The following CTNNA3 variants were observed in gnomAD, a reference collection of about 807,000 sequenced individuals.
CTNNA3 encodes catenin alpha-3.
A neutral mutation model predicts 95.7 loss-of-function variants in CTNNA3; 76 were observed. That is an observed-to-expected ratio of 0.79 (90% CI 0.66 to 0.96). The LOEUF (loss-of-function observed/expected upper bound fraction) is 0.96, where lower values mean the gene tolerates loss of function less well. Ranked by LOEUF, CTNNA3 falls within the 40% of genes least tolerant of loss-of-function variation. The pLI is 0.00. For synonymous variants in CTNNA3, 431 were observed against 374.4 expected (o/e 1.15, Z -1.74); for missense variants, 1,191 against 1,089.8 (o/e 1.09, Z -1.31).
At chr10:66,174,342 A>G (rs2085594954) in intron 13 of CTNNA3, among the ~76,000 whole-genome samples, 1 of 152,222 alleles carries the variant, frequency 6.6e-6, no homozygotes, top group East Asian at 1.9e-4. Context: ...AATTTTTAAT[A>G]TATTTCTTTA....
chr10:66,647,287 A>G (rs1845739016), intron 9 of CTNNA3, among the ~76,000 whole-genome samples: 2 of 152,156 alleles, frequency 1.3e-5, no homozygotes, highest in African/African-American at 4.8e-5. Flanking sequence ...TCTTGCTTTC[A>G]GGGTCCCATA....
chr10:66,049,999 A>T (rs903137120), intron 15 of CTNNA3, among the ~76,000 whole-genome samples: 1 of 152,170 alleles, frequency 6.6e-6, no homozygotes, highest in African/African-American at 2.4e-5. Context: ...AAAAAGAGAG[A>T]AATGTTTAAC....
chr10:67,131,794 G>A (rs916412330), intron 7 of CTNNA3, among the ~76,000 whole-genome samples: 17 of 152,076 alleles, frequency 1.1e-4, no homozygotes, highest in African/African-American at 4.1e-4. Context: ...CTGAAATTAT[G>A]TGTGGCTGGG....
At chr10:66,369,275 C>T (rs1291950601) in intron 12 of CTNNA3, among the ~76,000 whole-genome samples, 1 of 152,130 alleles carries the variant, frequency 6.6e-6, no homozygotes. Flanking sequence ...CAGTAGAAAT[C>T]ATGGCTTGGC....
chr10:67,358,835 G>A (rs1222619977), intron 5 of CTNNA3, among the ~76,000 whole-genome samples: 1 of 152,088 alleles, frequency 6.6e-6, no homozygotes, highest in Non-Finnish European at 1.5e-5. Context: ...TGCAGGCACT[G>A]CAACAGTGAT....
At chr10:66,334,129 A>G (rs952812042) in intron 12 of CTNNA3, among the ~76,000 whole-genome samples, 2 of 151,868 alleles carry the variant, frequency 1.3e-5, no homozygotes, top group East Asian at 1.9e-4. Flanking sequence ...GTGTCTCTGC[A>G]TGTGAGATGG....
intron 8 of CTNNA3, among the ~76,000 whole-genome samples, chr10:66,771,756 A>G (rs773433442): frequency 2.0e-5 from 3 of 152,210 alleles, no homozygotes; most frequent in Non-Finnish European, 4.4e-5. Context: ...CTTGGTAGAG[A>G]GCTTTGCAAA....
intron 10 of CTNNA3, among the ~76,000 whole-genome samples, chr10:66,605,907 C>T (rs114524141): frequency 2.4e-3 from 359 of 152,148 alleles, no homozygotes; most frequent in African/African-American, 7.9e-3. Flanking sequence ...CAAGTTTGCA[C>T]GCTAACCACC....
intron 10 of CTNNA3, among the ~76,000 whole-genome samples, chr10:66,590,983 G>C (rs1843529552): frequency 1.3e-5 from 2 of 152,108 alleles, no homozygotes; most frequent in Admixed American, 1.3e-4. Context: ...GGTTTACTGA[G>C]TGGGAGTGGT....
At chr10:66,393,761 A>G (rs970010900) in intron 11 of CTNNA3, among the ~76,000 whole-genome samples, 3 of 152,082 alleles carry the variant, frequency 2.0e-5, no homozygotes, top group African/African-American at 4.8e-5. Flanking sequence ...AATTCTCATA[A>G]TAATTCCAAG....
intron 15 of CTNNA3, among the ~76,000 whole-genome samples, chr10:65,990,163 T>C (rs796233252): frequency 3.3e-5 from 5 of 152,026 alleles, no homozygotes; most frequent in African/African-American, 1.2e-4. Flanking sequence ...ACATCTTTGC[T>C]ATTGTGAATA....
rs1157578718 is a variant in CTNNA3 at position 65,956,246 on chromosome 10, A to AT, written c.2400+10365dup. Among the ~76,000 whole-genome samples the AT allele has an allele frequency of 2.0e-5, 3 of 152,220 alleles. No individual in the cohort carries two copies. In the East Asian group the frequency reaches 5.8e-4, roughly 29 times the overall value. ...GATAAGTGGTGAGATCCCCTTTATC[A>AT]TTTTTTATTGCATCTATTTGATTAT... On this transcript the variant is annotated intron_variant, in intron 17 of 17. Transcript: ENST00000433211.
At chr10:66,718,527 A>C (rs1848525452) in intron 9 of CTNNA3, among the ~76,000 whole-genome samples, 1 of 151,930 alleles carries the variant, frequency 6.6e-6, no homozygotes, top group African/African-American at 2.4e-5. Flanking sequence ...AAAATACAGT[A>C]TGCTCCCCAT....
intron 13 of CTNNA3, among the ~76,000 whole-genome samples, chr10:66,123,205 C>T (rs189115414): frequency 3.9e-4 from 60 of 152,276 alleles, no homozygotes; most frequent in African/African-American, 1.3e-3. Context: ...GAGGTTCAGG[C>T]ATTGGGTAAA....
chr10:66,718,934 C>A (rs1416145136), intron 9 of CTNNA3, among the ~76,000 whole-genome samples: 2 of 152,140 alleles, frequency 1.3e-5, no homozygotes, highest in African/African-American at 4.8e-5. Flanking sequence ...ACTAAAGTAA[C>A]ATAGAAAGTC....
chr10:67,420,606 A>G (rs1845712640), intron 5 of CTNNA3, among the ~76,000 whole-genome samples: 1 of 152,326 alleles, frequency 6.6e-6, no homozygotes, highest in Admixed American at 6.5e-5. Context: ...CTGGCACATA[A>G]TCAGTACTAC....
chr10:66,957,393 C>T (rs1416112037), intron 7 of CTNNA3, among the ~76,000 whole-genome samples: 3 of 83,156 alleles, frequency 3.6e-5, no homozygotes, highest in East Asian at 5.6e-4. Flanking sequence ...TATATATATA[C>T]ATATATATAT....
rs2085432188 is a variant in CTNNA3 at position 66,171,555 on chromosome 10, A to G, written c.1885-68306T>C. Among the ~76,000 whole-genome samples the G allele has an allele frequency of 3.3e-5, 5 of 151,992 alleles. No individual in the cohort carries two copies. In the South Asian group the frequency reaches 1.0e-3, roughly 32 times the overall value. ...AGCAAGACTCCATCTCAAAAAAAAA[A>G]AAAATTTAATATAAAAAATGACATA... On this transcript the variant is annotated intron_variant, in intron 13 of 17. Coordinates refer to ENST00000433211, the MANE Select transcript of CTNNA3 (RefSeq NM_013266.4).
intron 17 of CTNNA3, among the ~76,000 whole-genome samples, chr10:65,926,527 A>C (rs1040094458): frequency 7.0e-6 from 1 of 143,420 alleles, no homozygotes; most frequent in African/African-American, 2.6e-5. Flanking sequence ...CCCAGGCTGG[A>C]GTGCAATGGT....
Sources: allele counts gnomAD v4.1 joint callset (sites outside exome capture counted in the v4.1 genomes callset), GRCh38; gene constraint gnomAD v4.1.1; transcripts MANE v1.5; gene names NCBI Gene and HGNC (gene_info 2026-07-23, HGNC 2026-07-21).